XKR4: variants seen among roughly 807,000 people sequenced by gnomAD.
The protein encoded by XKR4 is XK-related protein 4.
In XKR4, 12 loss-of-function variants were observed where a neutral mutation model predicts 53.9. That is an observed-to-expected ratio of 0.22 (90% CI 0.14 to 0.36). The LOEUF (loss-of-function observed/expected upper bound fraction) is 0.36, where lower values mean the gene tolerates loss of function less well. XKR4 is among the 10% of genes least tolerant of loss of function. XKR4 has a pLI of 1.00. For missense variants in XKR4, 799 were observed against 859.5 expected, an observed-to-expected ratio of 0.93 and a Z score of 0.88; for synonymous variants, 354 against 362.4, an observed-to-expected ratio of 0.98 and a Z score of 0.26.
chr8:55,377,760 C>T (rs1804171807), intron 2 of XKR4, among the ~76,000 whole-genome samples: 1 of 152,184 alleles, frequency 6.6e-6, no homozygotes, highest in Non-Finnish European at 1.5e-5. Flanking sequence ...CTTGTAAGGA[C>T]ATCTATAGGC....
rs868030311 is a variant in XKR4 at position 55,376,954 on chromosome 8, T to A, written c.1006+19077T>A. Among the ~76,000 whole-genome samples the A allele has an allele frequency of 2.1e-4, 30 of 145,522 alleles. 1 individual carries two copies. The highest frequency in any genetic ancestry group is 8.2e-4 in the Admixed American group (12 of 14,648). On this transcript the variant is annotated intron_variant, in intron 2 of 2. Coordinates refer to ENST00000327381, the MANE Select transcript of XKR4 (RefSeq NM_052898.2). Reference sequence around the variant, plus strand: ...TCCATACACACACACAAACACACACTCACACACACACACACACACACAGAG... The same window carrying A: ...TCCATACACACACACAAACACACACACACACACACACACACACACACAGAG...
At position 55,532,494 on chromosome 8, in the gene XKR4, T is replaced by A. The variant is rs1161836723; in HGVS notation, c.*8267T>A. ...AATTGAAGTATGTCATCTACCCTGT[T>A]ATTAGAATTTCAGAAAATAGGCCGG... On this transcript the variant is annotated 3_prime_UTR_variant, in exon 3 of 3. Coordinates refer to ENST00000327381, the MANE Select transcript of XKR4 (RefSeq NM_052898.2). The A allele has an allele frequency of 6.6e-6, 1 of 152,172 alleles. No individual in the cohort carries two copies. The highest frequency in any genetic ancestry group is 1.5e-5 in the Non-Finnish European group (1 of 68,032). The allele number at this position is 152,172 out of a possible 1,614,324, so 9.4% of individuals were successfully genotyped here. A position where few individuals can be genotyped will look rare whatever the true frequency, so the allele number is the denominator to read the frequency against.
intron 1 of XKR4, among the ~76,000 whole-genome samples, chr8:55,319,820 A>T (rs1020182061): frequency 1.3e-5 from 2 of 152,140 alleles, no homozygotes; most frequent in Admixed American, 1.3e-4. Context: ...AGATGAAATA[A>T]TTTTTCCTTG....
rs1818117433 is a variant in XKR4, at chr8:55,236,070, G to A, written c.807-121608G>A. ...GTAGTCATCACACCTGGTTTGCACT[G>A]ATCCTAAAGTGTAACATGTTCCCAG... is the stretch of plus-strand genomic sequence containing the variant. On this transcript the variant is annotated intron_variant, in intron 1 of 2. Coordinates refer to ENST00000327381, the MANE Select transcript of XKR4 (RefSeq NM_052898.2). 3.3e-5 allele frequency among the ~76,000 whole-genome samples: 5 copies of A among 152,220 alleles called. No homozygotes were observed. In the South Asian group the frequency reaches 1.0e-3, roughly 32 times the overall value.
At chr8:55,419,478 G>A (rs1254852231) in intron 2 of XKR4, among the ~76,000 whole-genome samples, 4 of 152,148 alleles carry the variant, frequency 2.6e-5, no homozygotes, top group African/African-American at 7.2e-5. Context: ...GATTCAATAC[G>A]AACTACTAGT....
intron 2 of XKR4, among the ~76,000 whole-genome samples, chr8:55,386,804 C>A (rs527470611): frequency 6.6e-6 from 1 of 152,250 alleles, no homozygotes; most frequent in Non-Finnish European, 1.5e-5. Flanking sequence ...CATTTATTTT[C>A]TTTTGTTTTT....
At chr8:55,137,893 T>C (rs1430718408) in intron 1 of XKR4, among the ~76,000 whole-genome samples, 3 of 151,972 alleles carry the variant, frequency 2.0e-5, no homozygotes, top group Non-Finnish European at 2.9e-5. Context: ...GACCCAACCT[T>C]GGAATGAAAG....
chr8:55,127,394 A>G (rs1477683838), intron 1 of XKR4, among the ~76,000 whole-genome samples: 1 of 151,830 alleles, frequency 6.6e-6, no homozygotes, highest in Non-Finnish European at 1.5e-5. Context: ...CTGAGATTAC[A>G]GGCATGCACC....
At chr8:55,219,270 A>T (rs1299428113) in intron 1 of XKR4, among the ~76,000 whole-genome samples, 1 of 152,166 alleles carries the variant, frequency 6.6e-6, no homozygotes, top group African/African-American at 2.4e-5. Flanking sequence ...CCTGCGATGG[A>T]TCTTTGTTCC....
intron 2 of XKR4, among the ~76,000 whole-genome samples, chr8:55,385,212 T>C (rs1350914371): frequency 6.6e-6 from 1 of 152,138 alleles, no homozygotes; most frequent in Non-Finnish European, 1.5e-5. Flanking sequence ...CCCTGCCTAC[T>C]CTCCGCCTCA....
intron 1 of XKR4, among the ~76,000 whole-genome samples, chr8:55,263,140 C>G (rs1005927216): frequency 8.5e-5 from 13 of 152,176 alleles, no homozygotes; most frequent in African/African-American, 3.1e-4. Context: ...TCCATCATAA[C>G]CCAGGAGTGA....
chr8:55,539,817 A>G lies in XKR4; in HGVS notation c.*15590A>G, dbSNP rs1369965412. ...AAAACTGGTGTTGCCTATTTGGACTAGATGTAGGGGCCTGGAAGAAGGAAG... is the reference window on the plus strand; with the variant it reads ...AAAACTGGTGTTGCCTATTTGGACTGGATGTAGGGGCCTGGAAGAAGGAAG... On this transcript the variant is annotated 3_prime_UTR_variant, in exon 3 of 3. Coordinates refer to ENST00000327381, the MANE Select transcript of XKR4 (RefSeq NM_052898.2). The G allele has an allele frequency of 6.6e-6, 1 of 152,146 alleles. No individual in the cohort carries two copies. The allele number at this position is 152,146 out of a possible 1,614,324, so 9.4% of individuals were successfully genotyped here.
chr8:55,276,063 G>A (rs1038638598), intron 1 of XKR4, among the ~76,000 whole-genome samples: 3 of 152,166 alleles, frequency 2.0e-5, no homozygotes, highest in African/African-American at 4.8e-5. Context: ...GATTGTTAAG[G>A]CTCCGGGTAA....
At chr8:55,383,121 G>A (rs1373064485) in intron 2 of XKR4, among the ~76,000 whole-genome samples, 1 of 152,202 alleles carries the variant, frequency 6.6e-6, no homozygotes, top group African/African-American at 2.4e-5. Context: ...GCTGAGGCAG[G>A]AGAATCGCTT....
chr8:55,411,700 C>T (rs185286579), intron 2 of XKR4, among the ~76,000 whole-genome samples: 1 of 152,278 alleles, frequency 6.6e-6, no homozygotes, highest in Admixed American at 6.5e-5. Context: ...TGACAATCAG[C>T]GTCTGTCTTC....
intron 2 of XKR4, among the ~76,000 whole-genome samples, chr8:55,423,772 AT>A (rs1367516016): frequency 6.6e-6 from 1 of 152,212 alleles, no homozygotes; most frequent in Non-Finnish European, 1.5e-5. Flanking sequence ...CTTAATTAAC[AT>A]TTCACTGAAG....
chr8:55,360,386 ATAAAT>A (rs1317107184), intron 2 of XKR4, among the ~76,000 whole-genome samples: 1 of 152,232 alleles, frequency 6.6e-6, no homozygotes, highest in Non-Finnish European at 1.5e-5. Flanking sequence ...AAACCAGCTG[ATAAAT>A]TAAATTGATG....
chr8:55,210,025 G>T (rs1364247551), intron 1 of XKR4, among the ~76,000 whole-genome samples: 1 of 151,736 alleles, frequency 6.6e-6, no homozygotes, highest in East Asian at 1.9e-4. Context: ...ACTCATATTG[G>T]TGTCCAGGCC....
chr8:55,368,745 C>T (rs1031368723), intron 2 of XKR4, among the ~76,000 whole-genome samples: 7 of 152,202 alleles, frequency 4.6e-5, no homozygotes, highest in Admixed American at 3.9e-4. Flanking sequence ...ACATGGAAGG[C>T]ACTCAAAAGT....
Sources: allele counts gnomAD v4.1 joint callset (sites outside exome capture counted in the v4.1 genomes callset), GRCh38; gene constraint gnomAD v4.1.1; transcripts MANE v1.5; gene names NCBI Gene and HGNC (gene_info 2026-07-23, HGNC 2026-07-21).